ASXL1: variants seen among roughly 807,000 people sequenced by gnomAD.
ASXL1 encodes the protein ASXL transcriptional regulator 1.
A neutral mutation model predicts 89.1 loss-of-function variants in ASXL1; 65 were observed. That is an observed-to-expected ratio of 0.73 (90% CI 0.60 to 0.90). The LOEUF (loss-of-function observed/expected upper bound fraction) is 0.90. ASXL1 is among the 40% of genes least tolerant of loss of function. The pLI is 0.00. For synonymous variants in ASXL1, 739 were observed against 746.9 expected, an observed-to-expected ratio of 0.99 and a Z score of 0.17; for missense variants, 1,786 against 1,942.9, an observed-to-expected ratio of 0.92 and a Z score of 1.52.
At position 32,433,446 on chromosome 20, in the gene ASXL1, C is replaced by G. The variant is rs1370030998; in HGVS notation, c.1248C>G (p.Leu416=). The part of the protein sequence containing the change: ...GHFKKRSRPD[L]RTRARRNLYK... ...TTAAGAAACGCTCTCGGCCAGATCT[C>G]CGAACCAGAGCCAGAAGGAATCTGT... The change falls in exon 12 of 13, where the codon CTC becomes CTG. Residue 416 remains leucine, a synonymous_variant. Coordinates refer to ENST00000375687, the MANE Select transcript of ASXL1 (RefSeq NM_015338.6). 6.2e-7 allele frequency: 1 copy of G among 1,614,126 alleles called. No individual in the cohort carries two copies. Among genetic ancestry groups the G allele is most frequent in the Non-Finnish European group, 8.5e-7 (1 of 1,180,040 alleles).
intron 4 of ASXL1, among the ~76,000 whole-genome samples, chr20:32,411,877 T>TA (rs1288374253): frequency 1.3e-5 from 2 of 152,182 alleles, no homozygotes; most frequent in Non-Finnish European, 2.9e-5. Flanking sequence ...GTTATAATCT[T>TA]ACTATCATTT....
At chr20:32,387,214 G>A (rs948397535) in intron 4 of ASXL1, among the ~76,000 whole-genome samples, 2 of 152,064 alleles carry the variant, frequency 1.3e-5, no homozygotes, top group African/African-American at 2.4e-5. Flanking sequence ...GCTGAGGTAC[G>A]AGAATCACTG....
intron 8 of ASXL1, 76 bp downstream of exon 8, chr20:32,430,129 T>C (rs2011473930): frequency 6.7e-7 from 1 of 1,497,728 alleles, no homozygotes; most frequent in East Asian, 2.3e-5. Flanking sequence ...ATGTCTTCTA[T>C]TCCAATTCCT....
intron 1 of ASXL1, chr20:32,359,435 C>T (rs990265341): frequency 2.9e-6 from 2 of 701,292 alleles, no homozygotes; most frequent in African/African-American, 3.5e-5. Context: ...CGGTTAGGAA[C>T]GCTACTCCTA....
At position 32,431,604 on chromosome 20, in the gene ASXL1, C is replaced by T. The variant is rs1167333195; in HGVS notation, c.904C>T (p.Arg302Cys). 1.1e-5 allele frequency: 18 copies of T among 1,613,962 alleles called. No homozygotes were observed. Among genetic ancestry groups the T allele is most frequent in the South Asian group, 2.2e-5 (2 of 91,082 alleles). Residue 302 changes from arginine (R) to cysteine (C), a missense_variant, in exon 10 of 13, where the codon CGT (arginine) becomes TGT (cysteine). Physicochemically the swap from Arg to Cys is radical, Grantham distance 180 (BLOSUM62 -3). Coordinates refer to ENST00000375687, the MANE Select transcript of ASXL1 (RefSeq NM_015338.6). ...CTAGGTGGGGACGGATGGCCTGTTGCGTCTCAGCAGCAGTGCACTAAATAA... is the reference window on the plus strand; with the variant it reads ...CTAGGTGGGGACGGATGGCCTGTTGTGTCTCAGCAGCAGTGCACTAAATAA... ...DRQVGTDGLL[R>C]LSSSALNNEF...
chr20:32,401,617 G>T (rs2048876553), intron 4 of ASXL1, among the ~76,000 whole-genome samples: 1 of 147,622 alleles, frequency 6.8e-6, no homozygotes, highest in African/African-American at 2.5e-5. Flanking sequence ...GTGCAGTGGT[G>T]TGATCTTGGC....
chr20:32,430,306 T>G (rs2011477294), intron 8 of ASXL1: 1 of 505,930 alleles, frequency 2.0e-6, no homozygotes, highest in African/African-American at 1.9e-5. Flanking sequence ...AGTCTATGCC[T>G]GCCTTGTACT....
intron 4 of ASXL1, among the ~76,000 whole-genome samples, chr20:32,381,895 C>G (rs546733393): frequency 6.8e-6 from 1 of 147,336 alleles, no homozygotes; most frequent in African/African-American, 2.5e-5. Flanking sequence ...AATGTGCTTT[C>G]TTTTTAGGTT....
In ASXL1 at chr20:32,391,521, C is replaced by T. The variant is rs1225649566; in HGVS notation, c.252+22398C>T. Among the ~76,000 whole-genome samples the T allele has an allele frequency of 3.9e-5, 6 of 152,158 alleles. No homozygotes were observed. The East Asian group carries it at 7.7e-4, about 20-fold the overall frequency. On this transcript the variant is annotated intron_variant, in intron 4 of 12. Transcript: ENST00000375687. ...TGTATTTGAGGCAGAGCTTTACTCT[C>T]TTGCCCAGGCTGGAGTGCAATGGCA...
rs79761357 is a variant in ASXL1, at chr20:32,392,650, A to G, written c.252+23527A>G. Among the ~76,000 whole-genome samples the G allele has an allele frequency of 2.8e-3, 431 of 151,654 alleles. 7 individuals are homozygous for G. Among genetic ancestry groups the G allele is most frequent in the East Asian group, 0.015 (77 of 5,148 alleles). On this transcript the variant is annotated intron_variant, in intron 4 of 12. Transcript: ENST00000375687. ...TCCTCTTTTCTAAGATAGACATTTA[A>G]TGCACACACACATTTTGATATGCTA...
chr20:32,368,907 G>A, intron 3 of ASXL1, 108 bp from the exon 4 acceptor site: 1 of 837,856 alleles, frequency 1.2e-6, no homozygotes, highest in Non-Finnish European at 1.9e-6. Flanking sequence ...TTTTTCTTCT[G>A]TATTTCTTGC....
intron 1 of ASXL1, 97 bp downstream of exon 1, chr20:32,358,929 A>G: frequency 2.5e-6 from 3 of 1,221,222 alleles, no homozygotes; most frequent in South Asian, 1.8e-5. Context: ...GGCCCTGCCC[A>G]CCGCGGGAGG....
Position 32,435,263 on chromosome 20 carries a change from T to C in ASXL1, c.2551T>C (p.Ser851Pro). The C allele has an allele frequency of 6.2e-7, 1 of 1,614,068 alleles. No homozygotes were observed. The highest frequency in any genetic ancestry group is 8.5e-7 in the Non-Finnish European group (1 of 1,180,016). ...VNVTPSSTPE[S>P]SPTDCLQNRA... ...TGTGACCCCCAGTTCCACACCTGAATCCTCACCGACTGATTGCCTGCAGAA... is the reference window on the plus strand; with the variant it reads ...TGTGACCCCCAGTTCCACACCTGAACCCTCACCGACTGATTGCCTGCAGAA... Residue 851 changes from serine to proline, a missense_variant, in exon 13 of 13, where the codon TCC becomes CCC. Ser to Pro is a moderately conservative substitution (Grantham distance 74). Transcript: ENST00000375687.
At chr20:32,431,283 A>G in intron 8 of ASXL1, 38 bp from the exon 9 acceptor site, 8 of 1,613,994 alleles carry the variant, frequency 5.0e-6, no homozygotes, top group Non-Finnish European at 6.8e-6. Flanking sequence ...TTTTTCTTTT[A>G]AAAAGCTGAA....
Position 32,434,889 on chromosome 20 carries a change from A to C in ASXL1, c.2177A>C (p.Lys726Thr), listed in dbSNP as rs1239535844. ...ARREDLPSLR[K>T]EESCLLQRAT... Reference sequence around the variant, plus strand: ...AGAGAGGACCTGCCTTCTCTGAGAAAGGAGGAAAGCTGCCTACTACAGAGG... The same window carrying C: ...AGAGAGGACCTGCCTTCTCTGAGAACGGAGGAAAGCTGCCTACTACAGAGG... The change falls in exon 13 of 13, where the codon AAG (lysine) becomes ACG (threonine). Residue 726 changes from lysine (K) to threonine (T), a missense_variant. Lys to Thr is a moderately conservative substitution (Grantham distance 78, BLOSUM62 -1). This residue lies in a region of ASXL1 where 1,418 missense variants were observed against 1,427.8 expected (regional missense o/e 0.99). Coordinates refer to ENST00000375687, the MANE Select transcript of ASXL1 (RefSeq NM_015338.6). The C allele has an allele frequency of 6.2e-7, 1 of 1,614,058 alleles. No individual in the cohort carries two copies. The highest frequency in any genetic ancestry group is 1.3e-5 in the African/African-American group (1 of 74,940).
intron 1 of ASXL1, among the ~76,000 whole-genome samples, chr20:32,362,676 C>T (rs1489923394): frequency 6.6e-6 from 1 of 152,126 alleles, no homozygotes; most frequent in Non-Finnish European, 1.5e-5. Context: ...ACAAAAAAAC[C>T]TTTCGTAGAG....
At chr20:32,376,936 G>A (rs1018671911) in intron 4 of ASXL1, among the ~76,000 whole-genome samples, 5 of 140,900 alleles carry the variant, frequency 3.5e-5, no homozygotes, top group African/African-American at 5.3e-5. Flanking sequence ...GTAAAACCAC[G>A]TAGATAAAAT....
At chr20:32,431,702 G>A (rs951235327) in intron 10 of ASXL1, 23 bp downstream of exon 10, 17 of 1,607,110 alleles carry the variant, frequency 1.1e-5, no homozygotes, top group Non-Finnish European at 1.1e-5. Flanking sequence ...GGTCATCTCG[G>A]ACGGCTTGCG....
chr20:32,398,608 T>TC (rs1365122799), intron 4 of ASXL1, among the ~76,000 whole-genome samples: 3 of 148,310 alleles, frequency 2.0e-5, no homozygotes, highest in Non-Finnish European at 4.5e-5. Context: ...TGTTTGTTTT[T>TC]TTTTTTGTTT....
Sources: allele counts gnomAD v4.1 joint callset (sites outside exome capture counted in the v4.1 genomes callset), GRCh38; gene constraint gnomAD v4.1.1; regional missense constraint gnomAD v4.1.1; transcripts MANE v1.5; gene names NCBI Gene and HGNC (gene_info 2026-07-23, HGNC 2026-07-21).